MYH9: variants seen among roughly 807,000 people sequenced by gnomAD.
The protein encoded by MYH9 is myosin heavy chain 9.
In MYH9, 29 loss-of-function variants were observed where a neutral mutation model predicts 241.9. The ratio of observed to expected loss-of-function variants is 0.12; its 90% CI spans 0.09 to 0.16. The LOEUF (loss-of-function observed/expected upper bound fraction) is 0.16, where lower values mean the gene tolerates loss of function less well. Among genes scored for constraint, MYH9 ranks in the 10% least tolerant of loss-of-function variants. The pLI, the probability that MYH9 is intolerant of heterozygous loss-of-function variation, is 1.00. For missense variants in MYH9, 1,803 were observed against 2,595.5 expected (o/e 0.69, Z 6.63); for synonymous variants, 1,047 against 1,062.6 (o/e 0.99, Z 0.29).
rs116972183 is a variant in MYH9, at chr22:36,292,129, G to A, written c.4201C>T (p.His1401Tyr). 101 of 1,614,172 alleles carry A rather than the reference G, an allele frequency of 6.3e-5. No homozygotes were observed. The highest frequency in any genetic ancestry group is 8.4e-5 in the Non-Finnish European group (99 of 1,180,036). The change falls in exon 31 of 41, where the codon CAC (histidine) becomes TAC (tyrosine). Residue 1401 changes from histidine to tyrosine, a missense_variant. By Grantham distance (83) the His-to-Tyr change is moderately conservative (BLOSUM62 2). Coordinates refer to ENST00000216181, the MANE Select transcript of MYH9 (RefSeq NM_002473.6). ...QKDLEGLSQRHEEKVAAYDKL... is the reference protein window; with the variant it reads ...QKDLEGLSQRYEEKVAAYDKL... ...TCGTAGGCGGCCACCTTCTCCTCGT[G>A]CCGCTGGCTCAGGCCCTCCAGGTCC...
In MYH9 at chr22:36,281,770, G is replaced by A. The variant is rs960396664; in HGVS notation, c.*898C>T. Reference sequence around the variant, plus strand: ...TCAACGGTGCAGGTAAACCACCCTCGGGCCCAGTCCTAGAGTAGACACAAG... The same window carrying A: ...TCAACGGTGCAGGTAAACCACCCTCAGGCCCAGTCCTAGAGTAGACACAAG... On this transcript the variant is annotated 3_prime_UTR_variant, in exon 41 of 41. Coordinates refer to ENST00000216181, the MANE Select transcript of MYH9 (RefSeq NM_002473.6). The A allele has an allele frequency of 1.3e-5, 3 of 231,198 alleles. No homozygotes were observed. Among genetic ancestry groups the A allele is most frequent in the South Asian group, 1.8e-4 (1 of 5,502 alleles). The allele number at this position is 231,198 out of a possible 1,614,324, so 14.3% of individuals were successfully genotyped here. A position where few individuals can be genotyped will look rare whatever the true frequency, so the allele number is the denominator to read the frequency against.
Position 36,303,334 on chromosome 22 carries a change from C to G in MYH9, c.2391-658G>C, listed in dbSNP as rs140208663. Among the ~76,000 whole-genome samples the G allele has an allele frequency of 2.0e-5, 3 of 152,020 alleles. No individual in the cohort carries two copies. In the East Asian group the frequency reaches 5.8e-4, roughly 30 times the overall value. ...TCTGGACTCGAGGATGGCCTGCTCC[C>G]CTGGAATCACAGGGTTCTTTAGGGA... On this transcript the variant is annotated intron_variant, in intron 19 of 40. Coordinates refer to ENST00000216181, the MANE Select transcript of MYH9 (RefSeq NM_002473.6).
At chr22:36,357,099 A>G (rs1168738120) in intron 1 of MYH9, among the ~76,000 whole-genome samples, 1 of 152,256 alleles carries the variant, frequency 6.6e-6, no homozygotes, top group East Asian at 1.9e-4. Context: ...ACATTCATGC[A>G]GAGAGGAAGA....
chr22:36,329,111 G>A lies in MYH9; in HGVS notation c.491-1623C>T, dbSNP rs554913533. Among the ~76,000 whole-genome samples, 1 of 152,238 alleles carries A rather than the reference G, an allele frequency of 6.6e-6. No homozygotes were observed. Among genetic ancestry groups the A allele is most frequent in the South Asian group, 2.1e-4 (1 of 4,804 alleles). ...CCAATGGCAGCTGCCCCTGCCCTGG[G>A]CCGCAGCTTCCTCCCAGCCCCCTAA... On this transcript the variant is annotated intron_variant, in intron 3 of 40. Transcript: ENST00000216181. This position sits in a 1 kb window ranked among gnomAD's most constrained non-coding sequence, Gnocchi z 4.1.
rs563264656 is a variant in MYH9, at chr22:36,354,396, C to CT, written c.-19-5142dup. On this transcript the variant is annotated intron_variant, in intron 1 of 40. Transcript: ENST00000216181. ...TCTCAATATTCTCAAGTGTTTTTTT[C>CT]TTTTTTAAGGACCACTTATAAGGTT... is the stretch of plus-strand genomic sequence containing the variant. Among the ~76,000 whole-genome samples, 7 of 150,770 alleles carry CT rather than the reference C, an allele frequency of 4.6e-5. No homozygotes were observed. The East Asian group carries it at 1.2e-3, about 25-fold the overall frequency.
intron 2 of MYH9, among the ~76,000 whole-genome samples, chr22:36,342,193 T>A (rs1415573106): frequency 6.6e-6 from 1 of 152,160 alleles, no homozygotes; most frequent in Non-Finnish European, 1.5e-5. Context: ...TTAATCAACA[T>A]CCTTAATGTG....
At chr22:36,296,540 C>CTTTTTTTTTTTTTT (rs67917055) in intron 25 of MYH9, among the ~76,000 whole-genome samples, 1 of 100,890 alleles carries the variant, frequency 9.9e-6, no homozygotes, top group Non-Finnish European at 2.0e-5. Flanking sequence ...CTGGTCAAGT[C>CTTTTTTTTTTTTTT]TTTTTTTTTT....
At chr22:36,283,305 G>A (rs941673228) in intron 40 of MYH9, among the ~76,000 whole-genome samples, 2 of 152,134 alleles carry the variant, frequency 1.3e-5, no homozygotes, top group African/African-American at 4.8e-5. Flanking sequence ...GGGAGGCCGA[G>A]GCGGGTGGAG....
At chr22:36,372,082 T>C (rs1324506792) in intron 1 of MYH9, among the ~76,000 whole-genome samples, 2 of 152,070 alleles carry the variant, frequency 1.3e-5, no homozygotes, top group Non-Finnish European at 2.9e-5. Flanking sequence ...ACCCAGCAGC[T>C]GCTTCTGAAG....
chr22:36,354,213 T>C (rs2017815818), intron 1 of MYH9, among the ~76,000 whole-genome samples: 1 of 151,860 alleles, frequency 6.6e-6, no homozygotes, highest in Admixed American at 6.6e-5. Context: ...CAGATTTGCT[T>C]GTTAATCAAT....
At chr22:36,348,767 C>T in intron 2 of MYH9, 137 bp downstream of exon 2, 1 of 807,550 alleles carries the variant, frequency 1.2e-6, no homozygotes, top group Non-Finnish European at 2.1e-6. Flanking sequence ...AAGGATGTCA[C>T]CCCAGCACTC....
At position 36,295,075 on chromosome 22, in the gene MYH9, A is replaced by C. The variant is rs551271617; in HGVS notation, c.3487T>G (p.Ser1163Ala). The change falls in exon 27 of 41, where the codon TCA becomes GCA. Residue 1163 changes from serine (S) to alanine (A), a missense_variant and splice_region_variant. Coordinates refer to ENST00000216181, the MANE Select transcript of MYH9 (RefSeq NM_002473.6). This position sits in a 1 kb window ranked among gnomAD's most constrained non-coding sequence, Gnocchi z 4.1. ...ATGTTCACCTCCTGCTCACGTTTTGACCTGGACAGAGAAATCCCCTCAGAG... is the reference window on the plus strand; with the variant it reads ...ATGTTCACCTCCTGCTCACGTTTTGCCCTGGACAGAGAAATCCCCTCAGAG... ...DSTAAQQELR[S>A]KREQEVNILK... is the part of the protein sequence containing the mutation. The C allele has an allele frequency of 1.2e-6, 2 of 1,613,994 alleles. No individual in the cohort carries two copies. The highest frequency in any genetic ancestry group is 2.7e-5 in the African/African-American group (2 of 74,964).
chr22:36,368,322 A>C (rs540224206), intron 1 of MYH9, among the ~76,000 whole-genome samples: 44 of 152,304 alleles, frequency 2.9e-4, no homozygotes, highest in Non-Finnish European at 5.4e-4. Context: ...ATGGGGAAAC[A>C]AGGCCAGAAG....
At chr22:36,379,868 G>A (rs1044549383) in intron 1 of MYH9, among the ~76,000 whole-genome samples, 1 of 152,246 alleles carries the variant, frequency 6.6e-6, no homozygotes. Context: ...CTGCCCGGGT[G>A]CTGAATCATC....
Position 36,320,829 on chromosome 22 carries a change from A to G in MYH9, c.837T>C (p.Tyr279=). ...KEERTFHIFY[Y]LLSGAGEHLK... ...GGTGCTCTCCAGCCCCAGACAGGAG[A>G]TAATAGAAGATGTGGAAGGTCCGTT... Residue 279 remains tyrosine, a synonymous_variant, in exon 8 of 41, where the codon TAT becomes TAC. Transcript: ENST00000216181. The surrounding 1 kb of genome is among the most constrained non-coding windows in gnomAD (Gnocchi z 4.8). 2 of 1,614,124 alleles carry G rather than the reference A, an allele frequency of 1.2e-6. No individual in the cohort carries two copies. The highest frequency in any genetic ancestry group is 2.2e-5 in the South Asian group (2 of 91,084).
intron 5 of MYH9, among the ~76,000 whole-genome samples, chr22:36,325,398 G>A (rs149348353): frequency 6.2e-4 from 95 of 152,290 alleles, no homozygotes; most frequent in African/African-American, 1.9e-3. Context: ...GGCCGCACAC[G>A]GCACGCCAGT....
rs1226525101 is a variant in MYH9 at position 36,295,400 on chromosome 22, C to T, written c.3485+105G>A. 8 of 818,070 alleles carry T rather than the reference C, an allele frequency of 9.8e-6. No individual in the cohort carries two copies. Among genetic ancestry groups the T allele is most frequent in the African/African-American group, 6.8e-5 (4 of 58,890 alleles). The allele number at this position is 818,070 out of a possible 1,614,324, so 50.7% of individuals were successfully genotyped here. A position where few individuals can be genotyped will look rare whatever the true frequency, so the allele number is the denominator to read the frequency against. The stretch of plus-strand genomic sequence containing the variant: ...TGCCTGCTGGTGCCTAAGAGGGCCA[C>T]GGTGTGTGTGTGTGTGTGTGTGCAG... On this transcript the variant is annotated intron_variant, in intron 26 of 40. Coordinates refer to ENST00000216181, the MANE Select transcript of MYH9 (RefSeq NM_002473.6). The surrounding 1 kb of genome is among the most constrained non-coding windows in gnomAD (Gnocchi z 4.1).
chr22:36,359,561 A>G (rs2017904948), intron 1 of MYH9, among the ~76,000 whole-genome samples: 1 of 152,240 alleles, frequency 6.6e-6, no homozygotes, highest in Non-Finnish European at 1.5e-5. Flanking sequence ...TTCAATCTAC[A>G]AAGAGAAATA....
chr22:36,373,990 T>C (rs187185070), intron 1 of MYH9, among the ~76,000 whole-genome samples: 1 of 151,776 alleles, frequency 6.6e-6, no homozygotes, highest in East Asian at 1.9e-4. Flanking sequence ...GTGGATGAGG[T>C]GCAGGGCAAA....
Sources: allele counts gnomAD v4.1 joint callset (sites outside exome capture counted in the v4.1 genomes callset), GRCh38; gene constraint gnomAD v4.1.1; non-coding constraint Gnocchi (gnomAD v3.1); transcripts MANE v1.5; gene names NCBI Gene and HGNC (gene_info 2026-07-23, HGNC 2026-07-21).